LRMDA: variants seen among roughly 807,000 people sequenced by gnomAD.
LRMDA encodes leucine rich melanocyte differentiation associated.
In LRMDA, 18 loss-of-function variants were observed where a neutral mutation model predicts 29.8. The ratio of observed to expected loss-of-function variants is 0.60; its 90% CI spans 0.42 to 0.90. The LOEUF (loss-of-function observed/expected upper bound fraction) is 0.90, where lower values mean the gene tolerates loss of function less well. Among genes scored for constraint, LRMDA ranks in the 40% least tolerant of loss-of-function variants. The pLI is 0.00. For missense variants in LRMDA, 273 were observed against 273.9 expected (o/e 1.00, Z 0.02); for synonymous variants, 125 against 109.4 (o/e 1.14, Z -0.89).
intron 6 of LRMDA, among the ~76,000 whole-genome samples, chr10:76,551,757 T>C (rs1025258459): frequency 6.6e-6 from 1 of 152,182 alleles, no homozygotes; most frequent in Non-Finnish European, 1.5e-5. Context: ...TATGGACATG[T>C]ATAGAGTCCC....
chr10:75,525,319 C>T (rs1256424470), intron 2 of LRMDA, among the ~76,000 whole-genome samples: 1 of 152,136 alleles, frequency 6.6e-6, no homozygotes, highest in African/African-American at 2.4e-5. Flanking sequence ...TTTGTGAGTA[C>T]CTTTTGTGTG....
At chr10:75,875,449 T>C (rs1330562462) in intron 2 of LRMDA, among the ~76,000 whole-genome samples, 2 of 152,216 alleles carry the variant, frequency 1.3e-5, no homozygotes, top group Non-Finnish European at 2.9e-5. Context: ...TCTTTTTTTT[T>C]TGAGACGCAG....
chr10:76,396,303 G>A (rs1431996615), intron 6 of LRMDA, among the ~76,000 whole-genome samples: 1 of 152,212 alleles, frequency 6.6e-6, no homozygotes, highest in African/African-American at 2.4e-5. Flanking sequence ...ATATTCAACA[G>A]TAGGTTGACA....
chr10:76,508,589 CTT>C (rs1375850558), intron 6 of LRMDA, among the ~76,000 whole-genome samples: 1 of 150,578 alleles, frequency 6.6e-6, no homozygotes, highest in Admixed American at 6.6e-5. Context: ...CCATTTGACT[CTT>C]GACTTTTTTT....
chr10:75,991,313 A>G (rs750590768), intron 2 of LRMDA, among the ~76,000 whole-genome samples: 2 of 152,190 alleles, frequency 1.3e-5, no homozygotes, highest in Admixed American at 1.3e-4. Context: ...TCAGAATACA[A>G]TAAAATGCAT....
rs146468198 is a variant in LRMDA at position 76,185,379 on chromosome 10, G to A, written c.516+126596G>A. ...TGCATGTACCAGTTGAGAGAGATTGGGAAGGCCACTGAAATTTGTCTCTAA... is the reference window on the plus strand; with the variant it reads ...TGCATGTACCAGTTGAGAGAGATTGAGAAGGCCACTGAAATTTGTCTCTAA... On this transcript the variant is annotated intron_variant, in intron 5 of 6. Coordinates refer to ENST00000611255, the MANE Select transcript of LRMDA (RefSeq NM_001305581.2). Among the ~76,000 whole-genome samples, 27 of 152,234 alleles carry A rather than the reference G, an allele frequency of 1.8e-4. No individual in the cohort carries two copies. In the East Asian group the frequency reaches 5.0e-3, roughly 28 times the overall value.
At chr10:76,181,256 G>A (rs572257797) in intron 5 of LRMDA, among the ~76,000 whole-genome samples, 1 of 152,174 alleles carries the variant, frequency 6.6e-6, no homozygotes, top group African/African-American at 2.4e-5. Context: ...AAAGCCTTGA[G>A]CTCATTCTCA....
intron 6 of LRMDA, among the ~76,000 whole-genome samples, chr10:76,526,845 G>A (rs1324578971): frequency 1.0e-5 from 1 of 99,434 alleles, no homozygotes; most frequent in Non-Finnish European, 1.9e-5. Context: ...GTGGGGGGAG[G>A]GGGGAGGGAT....
At chr10:76,526,985 T>C (rs916129131) in intron 6 of LRMDA, among the ~76,000 whole-genome samples, 1 of 80,098 alleles carries the variant, frequency 1.2e-5, no homozygotes, top group Non-Finnish European at 2.3e-5. Flanking sequence ...ATAAAATAAA[T>C]AAATAAATAA....
chr10:76,131,139 C>T (rs1320254246), intron 5 of LRMDA, among the ~76,000 whole-genome samples: 1 of 152,226 alleles, frequency 6.6e-6, no homozygotes, highest in African/African-American at 2.4e-5. Flanking sequence ...GCTCTTTCCA[C>T]TGCCCCCTTC....
At position 75,798,005 on chromosome 10, in the gene LRMDA, C is replaced by T. The variant is rs563254712; in HGVS notation, c.132-238003C>T. On this transcript the variant is annotated intron_variant, in intron 2 of 6. Coordinates refer to ENST00000611255, the MANE Select transcript of LRMDA (RefSeq NM_001305581.2). ...TAGTGAGTATATATTTTTATTTTAG[C>T]CATTCTAGTGCATGTGACAGTGTAT... Among the ~76,000 whole-genome samples the T allele has an allele frequency of 8.5e-5, 13 of 152,150 alleles. 1 individual carries two copies. The South Asian group carries it at 2.5e-3, about 29-fold the overall frequency.
At chr10:75,755,304 G>T (rs1843018433) in intron 2 of LRMDA, among the ~76,000 whole-genome samples, 1 of 152,184 alleles carries the variant, frequency 6.6e-6, no homozygotes, top group Non-Finnish European at 1.5e-5. Flanking sequence ...GGCTTCATTT[G>T]GGGCACTATC....
At chr10:75,719,341 C>G (rs945148657) in intron 2 of LRMDA, among the ~76,000 whole-genome samples, 1 of 152,190 alleles carries the variant, frequency 6.6e-6, no homozygotes, top group Non-Finnish European at 1.5e-5. Context: ...GGATATTCCT[C>G]AGGTGTACCA....
chr10:75,937,543 G>T (rs577756314), intron 2 of LRMDA, among the ~76,000 whole-genome samples: 5 of 152,150 alleles, frequency 3.3e-5, no homozygotes, highest in Non-Finnish European at 7.4e-5. Context: ...ACTGCCCCCC[G>T]TAACTCAAGC....
At chr10:76,519,957 C>T (rs1471606652) in intron 6 of LRMDA, among the ~76,000 whole-genome samples, 2 of 151,836 alleles carry the variant, frequency 1.3e-5, no homozygotes, top group African/African-American at 4.8e-5. Flanking sequence ...GGTGTTTTAC[C>T]ATGGCAGAGG....
At chr10:76,215,952 G>A (rs189474889) in intron 5 of LRMDA, among the ~76,000 whole-genome samples, 2 of 152,294 alleles carry the variant, frequency 1.3e-5, no homozygotes, top group Admixed American at 6.5e-5. Context: ...TGTACAAACA[G>A]CAAAAAGATT....
chr10:76,181,750 A>G (rs1851054089), intron 5 of LRMDA, among the ~76,000 whole-genome samples: 1 of 152,248 alleles, frequency 6.6e-6, no homozygotes, highest in Non-Finnish European at 1.5e-5. Context: ...ATGAGAAGTT[A>G]TAAAAACAGG....
chr10:75,859,092 T>C (rs1294626335), intron 2 of LRMDA, among the ~76,000 whole-genome samples: 3 of 152,256 alleles, frequency 2.0e-5, no homozygotes, highest in African/African-American at 7.2e-5. Flanking sequence ...AGTGTGGCTA[T>C]GCCAAAGTTT....
intron 6 of LRMDA, among the ~76,000 whole-genome samples, chr10:76,429,449 A>T (rs1417088457): frequency 1.3e-5 from 2 of 152,134 alleles, no homozygotes; most frequent in Non-Finnish European, 2.9e-5. Flanking sequence ...GGCTGCAGCG[A>T]GGGAAGATTT....
Sources: allele counts gnomAD v4.1 joint callset (sites outside exome capture counted in the v4.1 genomes callset), GRCh38; gene constraint gnomAD v4.1.1; transcripts MANE v1.5; gene names NCBI Gene and HGNC (gene_info 2026-07-23, HGNC 2026-07-21).